The following TMEM223 variants were observed in gnomAD, a reference collection of about 807,000 sequenced individuals.
TMEM223 encodes the protein transmembrane protein 223.
Under a neutral mutation model 14.1 loss-of-function variants are expected in TMEM223, and 14 were observed. The ratio of observed to expected loss-of-function variants is 0.99; its 90% CI spans 0.66 to 1.55. The LOEUF is 1.55. Ranked by LOEUF, TMEM223 falls within the 40% of genes most tolerant of loss-of-function variation. The probability of loss-of-function intolerance (pLI) is 0.00; values close to 1 mark genes in which losing one functional copy is unlikely to be tolerated. For missense variants in TMEM223, 346 were observed against 269.9 expected, an observed-to-expected ratio of 1.28 and a Z score of -1.97; for synonymous variants, 145 against 120.5, an observed-to-expected ratio of 1.20 and a Z score of -1.33.
intron 1 of TMEM223, chr11:62,781,695 G>T (rs2134715365): frequency 9.2e-5 from 45 of 491,296 alleles, no homozygotes; most frequent in East Asian, 1.2e-4. Context: ...CATTCAGGTT[G>T]TATTCAGGGC....
downstream of TMEM223, chr11:62,788,940 TAA>T: frequency 7.0e-7 from 1 of 1,435,384 alleles, no homozygotes; most frequent in East Asian, 2.3e-5. Context: ...GGACCATTCC[TAA>T]GTTATCACTA....
chr11:62,778,819 G>A (rs749321055), intron 1 of TMEM223: 2 of 1,523,874 alleles, frequency 1.3e-6, no homozygotes, highest in South Asian at 2.2e-5. Flanking sequence ...GAGAGGCCAG[G>A]AGAGGGCCAG....
intron 1 of TMEM223, 142 bp from the exon 2 acceptor site, chr11:62,791,057 C>T (rs991416513): frequency 2.3e-6 from 2 of 867,138 alleles, no homozygotes; most frequent in Admixed American, 3.0e-5. Flanking sequence ...GAGTCTCACT[C>T]TGCCGGCCAG....
Position 62,775,824 on chromosome 11 carries a change from G to A in TMEM223, c.315-1159C>T, listed in dbSNP as rs773347281. The A allele has an allele frequency of 6.1e-5, 99 of 1,612,618 alleles. No individual in the cohort carries two copies. The highest frequency in any genetic ancestry group is 1.5e-4 in the Admixed American group (9 of 59,958). On this transcript the variant is annotated intron_variant, in intron 1 of 2. Coordinates refer to the TMEM223 transcript ENST00000528367. The stretch of plus-strand genomic sequence containing the variant: ...GAGCGGCGGTTTGTGGAGATCCCTC[G>A]GGAGTCTGTCCGGCTCATGGCGGAG...
intron 1 of TMEM223, among the ~76,000 whole-genome samples, chr11:62,777,352 A>C (rs926686046): frequency 2.0e-5 from 3 of 152,084 alleles, no homozygotes; most frequent in African/African-American, 7.2e-5. Context: ...AAAAAAGACT[A>C]AACGCACACA....
rs2084340869 is a variant in TMEM223, at chr11:62,790,064, T to C, written c.*559A>G. 1.3e-6 allele frequency: 2 copies of C among 1,593,148 alleles called. No homozygotes were observed. Among genetic ancestry groups the C allele is most frequent in the Admixed American group, 1.7e-5 (1 of 57,888 alleles). ...CATTCCTGAAGAATAAGCGGAGTGC[T>C]TCCTGCAGCCGAAGACTCCATGCCC... is the stretch of plus-strand genomic sequence containing the variant. On this transcript the variant is annotated 3_prime_UTR_variant, in exon 2 of 2. Transcript: ENST00000307366.
At chr11:62,789,273 C>G (rs1242058766), downstream of TMEM223, 3 of 1,614,110 alleles carry the variant, frequency 1.9e-6, no homozygotes, top group Admixed American at 3.3e-5. Context: ...CACCACAAGG[C>G]TTGTTCTCTC....
chr11:62,789,104 C>T, downstream of TMEM223: 1 of 1,614,232 alleles, frequency 6.2e-7, no homozygotes, highest in African/African-American at 1.3e-5. Context: ...TCCCTCAGCA[C>T]CATCCCTGTG....
chr11:62,786,760 T>A, downstream of TMEM223: 2 of 1,612,956 alleles, frequency 1.2e-6, no homozygotes, highest in Non-Finnish European at 1.7e-6. Context: ...CCGGGAGCTC[T>A]ACGCCTTCTT....
intron 1 of TMEM223, chr11:62,778,974 G>C: frequency 3.7e-6 from 6 of 1,612,138 alleles, no homozygotes; most frequent in Non-Finnish European, 5.1e-6. Context: ...GTGAGCGAGT[G>C]GGCCCAAGTT....
chr11:62,774,589 G>GCCTA (rs1374578922), intron 2 of TMEM223: 1 of 454,656 alleles, frequency 2.2e-6, no homozygotes, highest in Non-Finnish European at 4.4e-6. Context: ...GCGCACGGGA[G>GCCTA]CCTACCTTCT....
chr11:62,786,005 A>G (rs1488204190), downstream of TMEM223: 2 of 368,730 alleles, frequency 5.4e-6, no homozygotes, highest in Non-Finnish European at 1.0e-5. Flanking sequence ...AATGAGCATT[A>G]TTTAGCACAC....
intron 1 of TMEM223, chr11:62,778,704 G>A: frequency 1.5e-6 from 1 of 657,064 alleles, no homozygotes; most frequent in Non-Finnish European, 2.7e-6. Context: ...AGCCTAGATG[G>A]TCAGGGCTGA....
downstream of TMEM223, chr11:62,786,794 T>G (rs868059677): frequency 6.2e-7 from 1 of 1,610,546 alleles, no homozygotes; most frequent in African/African-American, 1.3e-5. Context: ...GCCACACGCT[T>G]TGGCACCGGC....
At chr11:62,775,493 A>G (rs2084179779) in intron 1 of TMEM223, among the ~76,000 whole-genome samples, 1 of 152,226 alleles carries the variant, frequency 6.6e-6, no homozygotes, top group African/African-American at 2.4e-5. Flanking sequence ...AGACTGATGA[A>G]GGCCTTGGCC....
rs2084363021 is a variant in TMEM223, at chr11:62,791,705, C to G, written c.290G>C (p.Gly97Ala). 2 of 1,548,520 alleles carry G rather than the reference C, an allele frequency of 1.3e-6. No homozygotes were observed. The highest frequency in any genetic ancestry group is 1.9e-5 in the Admixed American group (1 of 51,426). Residue 97 changes from glycine (G) to alanine (A), a missense_variant, in exon 1 of 2, where the codon GGT becomes GCT. By Grantham distance (60) the Gly-to-Ala change is moderately conservative. Transcript: ENST00000307366. ...GATGGCGCCGCAGCCGACGGCCAGA[C>G]CGTAGCGCCAGAGCGCGGAGCGCAG... ...FDLRSALWRYGLAVGCGAIGA... is the reference protein window; with the variant it reads ...FDLRSALWRYALAVGCGAIGA...
Position 62,775,961 on chromosome 11 carries a change from A to T in TMEM223, c.315-1296T>A, listed in dbSNP as rs746056463. On this transcript the variant is annotated intron_variant, in intron 1 of 2. Coordinates refer to the TMEM223 transcript ENST00000528367. ...CTCCCCTCACCCCCTGATACCTCCA[A>T]CTTTCCTTGTTTCTGCCTTTTTACT... is the stretch of plus-strand genomic sequence containing the variant. 3.8e-6 allele frequency: 6 copies of T among 1,574,092 alleles called. No homozygotes were observed. The Admixed American group carries it at 5.6e-5, about 15-fold the overall frequency.
chr11:62,777,860 A>C, intron 1 of TMEM223: 1 of 1,234,274 alleles, frequency 8.1e-7, no homozygotes, highest in East Asian at 2.5e-5. Context: ...TTTTCTTGGG[A>C]CTTCTGGACT....
At chr11:62,787,635 C>T, downstream of TMEM223, 2 of 1,352,402 alleles carry the variant, frequency 1.5e-6, no homozygotes, top group Non-Finnish European at 2.0e-6. Context: ...AGCCGGTGGA[C>T]CTGGTGAGGC....
Sources: allele counts gnomAD v4.1 joint callset (sites outside exome capture counted in the v4.1 genomes callset), GRCh38; gene constraint gnomAD v4.1.1; transcripts MANE v1.5; gene names NCBI Gene and HGNC (gene_info 2026-07-23, HGNC 2026-07-21).